Variants in PRKAR2A observed in about 807,000 individuals in gnomAD.
The protein encoded by PRKAR2A is cAMP-dependent protein kinase type II-alpha regulatory subunit.
In PRKAR2A, 29 loss-of-function variants were observed where a neutral mutation model predicts 51.9. That is an observed-to-expected ratio of 0.56 (90% CI 0.42 to 0.76). The LOEUF is 0.76. PRKAR2A is among the 30% of genes least tolerant of loss of function. PRKAR2A has a pLI of 0.00. For missense variants in PRKAR2A, 445 were observed against 512.1 expected, an observed-to-expected ratio of 0.87 and a Z score of 1.26; for synonymous variants, 178 against 186.2, an observed-to-expected ratio of 0.96 and a Z score of 0.36.
At chr3:48,755,824 G>A (rs1044012907) in intron 9 of PRKAR2A, among the ~76,000 whole-genome samples, 7 of 148,140 alleles carry the variant, frequency 4.7e-5, no homozygotes, top group Non-Finnish European at 1.0e-4. Flanking sequence ...TGTCGCCCAG[G>A]CTGGAGTGCA....
intron 1 of PRKAR2A, among the ~76,000 whole-genome samples, chr3:48,829,580 A>ACGTGTGTATACACACACATAAATG (rs2083134071): frequency 2.9e-5 from 1 of 34,812 alleles, no homozygotes; most frequent in Non-Finnish European, 4.4e-5. Flanking sequence ...ATAAATATAT[A>ACGTGTGTATACACACACATAAATG]TGTGTGTATA....
At chr3:48,802,947 C>G (rs2082613597) in intron 2 of PRKAR2A, among the ~76,000 whole-genome samples, 1 of 152,140 alleles carries the variant, frequency 6.6e-6, no homozygotes, top group Non-Finnish European at 1.5e-5. Flanking sequence ...CAGGTGGATA[C>G]CGTAAACTCA....
At chr3:48,825,028 C>CTTT (rs1168503342) in intron 1 of PRKAR2A, among the ~76,000 whole-genome samples, 92 of 74,594 alleles carry the variant, frequency 1.2e-3, no homozygotes, top group African/African-American at 2.1e-3. Context: ...ATTTTCTTTT[C>CTTT]TTTTTTTTTT....
At chr3:48,758,099 T>TACAC (rs1415614963) in intron 8 of PRKAR2A, among the ~76,000 whole-genome samples, 30 of 148,944 alleles carry the variant, frequency 2.0e-4, no homozygotes, top group Admixed American at 4.7e-4. Flanking sequence ...CATACATACA[T>TACAC]ACACAAAAAT....
intron 1 of PRKAR2A, among the ~76,000 whole-genome samples, chr3:48,842,858 T>G (rs2083401787): frequency 6.6e-6 from 1 of 152,234 alleles, no homozygotes; most frequent in Admixed American, 6.5e-5. Flanking sequence ...TCACCAAGGA[T>G]ATTGGTCTAA....
intron 6 of PRKAR2A, among the ~76,000 whole-genome samples, chr3:48,772,502 TG>T (rs1208316137): frequency 6.6e-6 from 1 of 152,140 alleles, no homozygotes; most frequent in Non-Finnish European, 1.5e-5. Flanking sequence ...TCACCGTGCC[TG>T]GCCCCCATTA....
intron 1 of PRKAR2A, among the ~76,000 whole-genome samples, chr3:48,823,498 T>C (rs1025378465): frequency 6.6e-6 from 1 of 151,990 alleles, no homozygotes; most frequent in South Asian, 2.1e-4. Flanking sequence ...TGTTGTGGTA[T>C]GGTGAGAGGA....
At chr3:48,784,592 A>T (rs776350231) in intron 4 of PRKAR2A, among the ~76,000 whole-genome samples, 11 of 152,294 alleles carry the variant, frequency 7.2e-5, no homozygotes, top group Non-Finnish European at 1.0e-4. Context: ...GTTCTGAGTC[A>T]CTTTTCTTCT....
chr3:48,799,020 A>G (rs2082542371), intron 2 of PRKAR2A, among the ~76,000 whole-genome samples: 1 of 151,696 alleles, frequency 6.6e-6, no homozygotes, highest in Non-Finnish European at 1.5e-5. Flanking sequence ...GTTCCCCTCA[A>G]TCTCTTTACT....
At position 48,749,070 on chromosome 3, in the gene PRKAR2A, G is replaced by C. The variant is rs550676908; in HGVS notation, c.*2515C>G. 2 of 152,204 alleles carry C rather than the reference G, an allele frequency of 1.3e-5. No individual in the cohort carries two copies. The highest frequency in any genetic ancestry group is 4.8e-5 in the African/African-American group (2 of 41,442). The allele number at this position is 152,204 out of a possible 1,614,324, so 9.4% of individuals were successfully genotyped here. ...CTTATGTGGATAGTTGAAGGTGACT[G>C]TGTGGGCCATCATTATCTACAATAG... On this transcript the variant is annotated 3_prime_UTR_variant, in exon 11 of 11. Coordinates refer to ENST00000265563, the MANE Select transcript of PRKAR2A (RefSeq NM_004157.4).
chr3:48,756,984 G>A (rs1256001073), intron 8 of PRKAR2A, among the ~76,000 whole-genome samples: 2 of 152,214 alleles, frequency 1.3e-5, no homozygotes, highest in East Asian at 1.9e-4. Flanking sequence ...TTACAAAGGG[G>A]TGCCTGTGGG....
chr3:48,793,982 T>G lies in PRKAR2A; in HGVS notation c.351+15A>C, dbSNP rs1304322535. 8.9e-6 allele frequency: 14 copies of G among 1,577,178 alleles called. No individual in the cohort carries two copies. The highest frequency in any genetic ancestry group is 1.2e-5 in the Non-Finnish European group (14 of 1,146,750). ...ATAGAACAATTCTACCTAACATCTT[T>G]GCTTTGGGTCTTACCCTTGGATCTG... On this transcript the variant is annotated intron_variant, in intron 3 of 10. Transcript: ENST00000265563.
rs189525681 is a variant in PRKAR2A, at chr3:48,752,165, A to C, written c.1081+11T>G. The C allele has an allele frequency of 3.1e-6, 5 of 1,599,986 alleles. No individual in the cohort carries two copies. The East Asian group carries it at 1.1e-4, about 36-fold the overall frequency. ...GAAAAAGAATATTAATGCATAAAGA[A>C]CTTTTCTTACCTAAGCATTTGACAT... On this transcript the variant is annotated intron_variant, in intron 10 of 10. Transcript: ENST00000265563.
chr3:48,759,013 T>C (rs916186898), intron 8 of PRKAR2A, among the ~76,000 whole-genome samples: 9 of 152,314 alleles, frequency 5.9e-5, no homozygotes, highest in East Asian at 5.8e-4. Context: ...AGGACTTTGG[T>C]CCATTAAATT....
At chr3:48,772,868 T>G in intron 6 of PRKAR2A, 87 bp downstream of exon 6, 2 of 1,354,012 alleles carry the variant, frequency 1.5e-6, no homozygotes, top group South Asian at 1.6e-5. Flanking sequence ...GGCTGTAAGA[T>G]ATAGTGTAAA....
intron 1 of PRKAR2A, among the ~76,000 whole-genome samples, chr3:48,836,785 C>T (rs2083293542): frequency 1.3e-5 from 2 of 150,866 alleles, no homozygotes; most frequent in Non-Finnish European, 2.9e-5. Flanking sequence ...ATGACCAACG[C>T]TGGCAACATA....
At chr3:48,842,337 T>C (rs1239981614) in intron 1 of PRKAR2A, among the ~76,000 whole-genome samples, 1 of 152,218 alleles carries the variant, frequency 6.6e-6, no homozygotes, top group African/African-American at 2.4e-5. Flanking sequence ...GTTTTCTAGA[T>C]ATACAATCAT....
chr3:48,753,722 C>G (rs2081702995), intron 9 of PRKAR2A, among the ~76,000 whole-genome samples: 1 of 152,136 alleles, frequency 6.6e-6, no homozygotes. Context: ...AGCCAGGACT[C>G]TGAACTTCTG....
chr3:48,846,908 T>C (rs2083472206), intron 1 of PRKAR2A, among the ~76,000 whole-genome samples: 1 of 152,248 alleles, frequency 6.6e-6, no homozygotes, highest in Non-Finnish European at 1.5e-5. Flanking sequence ...CTTTTGTCTA[T>C]GCTTAAAAGT....
Sources: gnomAD v4.1 joint callset for allele counts (sites outside exome capture counted in the v4.1 genomes callset) on GRCh38, gnomAD v4.1.1 for gene constraint, MANE v1.5 for transcripts, NCBI Gene and HGNC (gene_info 2026-07-23, HGNC 2026-07-21) for gene names.